Variants in ABCA9 observed in about 807,000 individuals in gnomAD.
The protein encoded by ABCA9 is ATP binding cassette subfamily A member 9.
Under a neutral mutation model 205.3 loss-of-function variants are expected in ABCA9, and 183 were observed. The observed-to-expected ratio is 0.89, with a 90% CI of 0.79 to 1.01. The LOEUF (loss-of-function observed/expected upper bound fraction) is 1.01. ABCA9 is among the 50% of genes least tolerant of loss of function. The pLI is 0.00. For missense variants in ABCA9, 1,805 were observed against 1,912.4 expected (o/e 0.94, Z 1.05); for synonymous variants, 651 against 683.3 (o/e 0.95, Z 0.74).
At chr17:69,012,492 C>T (rs552676782) in intron 22 of ABCA9, 55 of 155,972 alleles carry the variant, frequency 3.5e-4, no homozygotes, top group Non-Finnish European at 6.8e-4. Flanking sequence ...ATGGTCAGCA[C>T]GCCCTCCATG....
intron 37 of ABCA9, among the ~76,000 whole-genome samples, chr17:68,981,403 A>G (rs1284288564): frequency 6.6e-6 from 1 of 152,106 alleles, no homozygotes; most frequent in East Asian, 1.9e-4. Context: ...CCTTCCTGAA[A>G]CATCAATCTC....
chr17:69,058,066 T>C (rs556296584), intron 1 of ABCA9, among the ~76,000 whole-genome samples: 3 of 152,290 alleles, frequency 2.0e-5, no homozygotes, highest in African/African-American at 7.2e-5. Context: ...CTATTTTAAC[T>C]GATAAAGAAA....
At chr17:69,065,056 GTTTT>G (rs761408376), upstream of ABCA9, among the ~76,000 whole-genome samples, 2 of 152,102 alleles carry the variant, frequency 1.3e-5, no homozygotes, top group East Asian at 1.9e-4. Flanking sequence ...TAAGTTTGAG[GTTTT>G]TTTGTTTTTC....
intron 25 of ABCA9, among the ~76,000 whole-genome samples, chr17:69,005,623 A>G (rs60216404): frequency 0.071 from 10,845 of 152,296 alleles, 1,259 homozygotes; most frequent in African/African-American, 0.24. Context: ...TTCCTTGGCC[A>G]CCACATTTCC....
intron 25 of ABCA9, among the ~76,000 whole-genome samples, chr17:68,999,143 T>C (rs887532695): frequency 4.6e-4 from 69 of 151,530 alleles, no homozygotes; most frequent in African/African-American, 1.6e-3. Flanking sequence ...ATTATTATTA[T>C]ACTTTAAGTT....
At chr17:69,067,964 T>A in the ABCA9 span, among the ~76,000 whole-genome samples, 3 of 152,240 alleles carry the variant, frequency 2.0e-5, no homozygotes, top group African/African-American at 7.2e-5. Flanking sequence ...TGGGAAATCT[T>A]GGCTCCTTAT....
chr17:68,993,170 T>C (rs2069510582), intron 26 of ABCA9, 86 bp from the exon 27 acceptor site: 1 of 1,103,704 alleles, frequency 9.1e-7, no homozygotes, highest in Non-Finnish European at 1.4e-6. Context: ...CTGATGCCTA[T>C]TCAATGGCCT....
rs2069184955 is a variant in ABCA9 at position 68,985,046 on chromosome 17, C to T, written c.4284+7G>A. 6.2e-7 allele frequency: 1 copy of T among 1,614,226 alleles called. No homozygotes were observed. The highest frequency in any genetic ancestry group is 8.5e-7 in the Non-Finnish European group (1 of 1,180,050). ...ACTTGCAGAGCAACAACAAGCCCTG[C>T]CCGTACCTTTCGCTTTATTCCCTCT... On this transcript the variant is annotated splice_region_variant and intron_variant, in intron 33 of 38. Transcript: ENST00000340001.
chr17:69,010,860 C>A (rs1049899899), intron 23 of ABCA9, among the ~76,000 whole-genome samples: 3 of 152,050 alleles, frequency 2.0e-5, no homozygotes, highest in Non-Finnish European at 4.4e-5. Flanking sequence ...GACAATAGTG[C>A]CATTTGCTAA....
the ABCA9 span, among the ~76,000 whole-genome samples, chr17:69,073,402 T>C: frequency 6.6e-6 from 1 of 152,148 alleles, no homozygotes; most frequent in Admixed American, 6.5e-5. Context: ...ACAAACAGTC[T>C]CTCAGAAGAC....
intron 31 of ABCA9, among the ~76,000 whole-genome samples, chr17:68,988,127 A>G (rs995644916): frequency 3.9e-5 from 6 of 152,204 alleles, no homozygotes; most frequent in African/African-American, 1.4e-4. Context: ...ATGGAAGGAC[A>G]GGAAACCTCT....
chr17:68,988,844 G>T (rs1379303270), intron 31 of ABCA9, among the ~76,000 whole-genome samples, 183 bp downstream of exon 31: 1 of 152,130 alleles, frequency 6.6e-6, no homozygotes, highest in African/African-American at 2.4e-5. Context: ...TAGTATATAT[G>T]ATATGTAGCC....
rs747663256 is a variant in ABCA9, at chr17:69,007,755, T to C, written c.3435+4A>G. 2 of 1,533,916 alleles carry C rather than the reference T, an allele frequency of 1.3e-6. No individual in the cohort carries two copies. The highest frequency in any genetic ancestry group is 2.3e-5 in the South Asian group (2 of 88,802). ...AAAATAATAGGTAGTATATGCATACTCACAATTAAGAAGAAAAATGACCAA... is the reference window on the plus strand; with the variant it reads ...AAAATAATAGGTAGTATATGCATACCCACAATTAAGAAGAAAAATGACCAA... On this transcript the variant is annotated splice_donor_region_variant and intron_variant, in intron 25 of 38. Coordinates refer to ENST00000340001, the MANE Select transcript of ABCA9 (RefSeq NM_080283.4).
In ABCA9 at chr17:68,995,921, T is replaced by G; in HGVS notation, c.3529A>C (p.Ile1177Leu). Residue 1177 changes from isoleucine (I) to leucine (L), a missense_variant, in exon 26 of 39, where the codon ATT becomes CTT. Coordinates refer to ENST00000340001, the MANE Select transcript of ABCA9 (RefSeq NM_080283.4). ...GTMLIPPFTL[I>L]GSLFIFSEIS... is the part of the protein sequence containing the mutation. ...TCAGAAAAAATGAATAGAGAGCCAATCAATGTGAAGGGAGGTATTAACATG... is the reference window on the plus strand; with the variant it reads ...TCAGAAAAAATGAATAGAGAGCCAAGCAATGTGAAGGGAGGTATTAACATG... The G allele has an allele frequency of 6.2e-7, 1 of 1,613,754 alleles. No individual in the cohort carries two copies. The highest frequency in any genetic ancestry group is 8.5e-7 in the Non-Finnish European group (1 of 1,179,936).
At chr17:69,036,425 A>G (rs576685417) in intron 6 of ABCA9, among the ~76,000 whole-genome samples, 34 of 152,266 alleles carry the variant, frequency 2.2e-4, no homozygotes, top group Admixed American at 1.4e-3. Flanking sequence ...ACATCTAGCC[A>G]AACTAAGCTT....
chr17:69,017,391 T>C (rs1169346368), intron 21 of ABCA9, among the ~76,000 whole-genome samples: 1 of 152,160 alleles, frequency 6.6e-6, no homozygotes, highest in African/African-American at 2.4e-5. Context: ...ATTATTGGAA[T>C]GGAATCCAAT....
rs1170533804 is a variant in ABCA9, at chr17:68,990,958, C to T, written c.3717-1G>A. 1.2e-6 allele frequency: 2 copies of T among 1,607,224 alleles called. No individual in the cohort carries two copies. The highest frequency in any genetic ancestry group is 1.7e-6 in the Non-Finnish European group (2 of 1,178,422). On this transcript the variant is annotated splice_acceptor_variant, in intron 28 of 38. Coordinates refer to ENST00000340001, the MANE Select transcript of ABCA9 (RefSeq NM_080283.4). LOFTEE classifies it high-confidence loss of function. ...AATAGCGTTGCTTCTTGGAGAAATT[C>T]TGAAATCAAAACAGTGTGATAATGA...
At chr17:69,038,635 C>T (rs1226307542) in intron 6 of ABCA9, among the ~76,000 whole-genome samples, 4 of 152,096 alleles carry the variant, frequency 2.6e-5, no homozygotes, top group Non-Finnish European at 4.4e-5. Context: ...AAAGCAGAAA[C>T]ATTCTCTTTG....
intron 37 of ABCA9, among the ~76,000 whole-genome samples, chr17:68,976,874 C>A (rs1183340780): frequency 6.6e-6 from 1 of 152,184 alleles, no homozygotes; most frequent in East Asian, 1.9e-4. Context: ...TGGACCATGA[C>A]TGAGACCTCA....
Sources: gnomAD v4.1 joint callset for allele counts (sites outside exome capture counted in the v4.1 genomes callset) on GRCh38, gnomAD v4.1.1 for gene constraint, MANE v1.5 for transcripts, NCBI Gene and HGNC (gene_info 2026-07-23, HGNC 2026-07-21) for gene names.